The following KIFC3 variants were observed in gnomAD, a reference collection of about 807,000 sequenced individuals.
KIFC3 encodes the protein kinesin-like protein KIFC3.
A neutral mutation model predicts 101.8 loss-of-function variants in KIFC3; 60 were observed. The ratio of observed to expected loss-of-function variants is 0.59; its 90% CI spans 0.48 to 0.73. The LOEUF is 0.73. Ranked by LOEUF, KIFC3 falls within the 30% of genes least tolerant of loss-of-function variation. The probability of loss-of-function intolerance (pLI) is 0.00; values close to 1 mark genes in which losing one functional copy is unlikely to be tolerated. For missense variants in KIFC3, 966 were observed against 1,137.1 expected, an observed-to-expected ratio of 0.85 and a Z score of 2.16; for synonymous variants, 476 against 482.7, an observed-to-expected ratio of 0.99 and a Z score of 0.18.
At chr16:57,795,761 C>T (rs1046540920) in intron 2 of KIFC3, among the ~76,000 whole-genome samples, 1 of 152,140 alleles carries the variant, frequency 6.6e-6, no homozygotes, top group African/African-American at 2.4e-5. Flanking sequence ...TGGGGGCCAG[C>T]CTCACGAGTC....
At chr16:57,780,667 A>ATTTTTTTTT (rs1191334568) in intron 3 of KIFC3, among the ~76,000 whole-genome samples, 5 of 69,954 alleles carry the variant, frequency 7.1e-5, no homozygotes, top group Non-Finnish European at 9.9e-5. Context: ...CTGAAGACAA[A>ATTTTTTTTT]TTTTTTTTTT....
intron 3 of KIFC3, among the ~76,000 whole-genome samples, chr16:57,783,169 T>C (rs2052923263): frequency 6.6e-6 from 1 of 152,210 alleles, no homozygotes; most frequent in Admixed American, 6.5e-5. Context: ...AAAAGTGTTT[T>C]CAAAAACCTC....
chr16:57,789,108 G>T (rs181197212), intron 3 of KIFC3, among the ~76,000 whole-genome samples: 23 of 152,312 alleles, frequency 1.5e-4, no homozygotes, highest in Non-Finnish European at 2.9e-4. Flanking sequence ...ATCAACCTCA[G>T]GGCAACTGCT....
chr16:57,775,431 C>T, intron 3 of KIFC3: 1 of 1,022,636 alleles, frequency 9.8e-7, no homozygotes, highest in Non-Finnish European at 1.2e-6. Context: ...GGGGCTAGGT[C>T]TCGGGCTTGT....
intron 2 of KIFC3, 131 bp from the exon 3 acceptor site, chr16:57,795,272 A>C: frequency 8.9e-7 from 1 of 1,117,390 alleles, no homozygotes; most frequent in East Asian, 3.0e-5. Context: ...TGTGGCCAGG[A>C]GGGGCTCACA....
rs142507852 is a variant in KIFC3 at position 57,816,953 on chromosome 16, C to G, written c.109-18671G>C. 2.4e-3 allele frequency: 812 copies of G among 340,684 alleles called. 3 individuals carry two copies. The highest frequency in any genetic ancestry group is 6.0e-3 in the Middle Eastern group (10 of 1,678). 21.1% of individuals were successfully genotyped at this position (340,684 alleles called of 1,614,324 possible). ...AATCACAGCTAACCCTTCACACTCA[C>G]TACATGCCGGGCACCATGGCATGGA... is the stretch of plus-strand genomic sequence containing the variant. On this transcript the variant is annotated intron_variant, in intron 1 of 2. Transcript: ENST00000563028.
At chr16:57,839,854 G>C (rs1238485415) in intron 1 of KIFC3, among the ~76,000 whole-genome samples, 1 of 151,910 alleles carries the variant, frequency 6.6e-6, no homozygotes, top group Non-Finnish European at 1.5e-5. Flanking sequence ...ACTCATATTT[G>C]TCAATTTGAC....
intron 1 of KIFC3, among the ~76,000 whole-genome samples, chr16:57,844,148 G>A (rs1043679423): frequency 5.3e-5 from 8 of 150,900 alleles, no homozygotes; most frequent in African/African-American, 7.3e-5. Context: ...TAAAGGCAGC[G>A]TAGGCTGGAC....
intron 12 of KIFC3, among the ~76,000 whole-genome samples, chr16:57,762,986 T>C (rs1555599378): frequency 2.0e-5 from 3 of 152,104 alleles, no homozygotes. Context: ...GCTCCCAAGA[T>C]GCCCCCTCAG....
intron 3 of KIFC3, among the ~76,000 whole-genome samples, chr16:57,777,999 A>T: frequency 6.6e-6 from 1 of 152,008 alleles, no homozygotes; most frequent in East Asian, 1.9e-4. Context: ...CTCAAAATAG[A>T]TCAAAGAGGG....
At chr16:57,763,965 G>T (rs1352394675) in intron 12 of KIFC3, among the ~76,000 whole-genome samples, 178 bp downstream of exon 12, 1 of 152,188 alleles carries the variant, frequency 6.6e-6, no homozygotes, top group Non-Finnish European at 1.5e-5. Flanking sequence ...TGGGCAAGGG[G>T]GCCCCCTCTT....
intron 1 of KIFC3, among the ~76,000 whole-genome samples, chr16:57,836,541 G>T (rs2055691878): frequency 6.6e-6 from 1 of 152,146 alleles, no homozygotes; most frequent in African/African-American, 2.4e-5. Context: ...GGAATGAATG[G>T]TAGACTTTCT....
intron 12 of KIFC3, 72 bp from the exon 13 acceptor site, chr16:57,762,342 A>G: frequency 7.2e-7 from 1 of 1,391,518 alleles, no homozygotes; most frequent in Non-Finnish European, 9.4e-7. Context: ...TCTGTCCCCA[A>G]AGCCCCTTGA....
At chr16:57,845,201 C>T (rs1215981218) in intron 1 of KIFC3, among the ~76,000 whole-genome samples, 1 of 152,146 alleles carries the variant, frequency 6.6e-6, no homozygotes, top group Non-Finnish European at 1.5e-5. Flanking sequence ...CCGTGCAAAC[C>T]CTGCAGGTGC....
chr16:57,795,797 C>G lies in KIFC3; in HGVS notation c.173-656G>C, dbSNP rs117904479. Among the ~76,000 whole-genome samples, 827 of 152,222 alleles carry G rather than the reference C, an allele frequency of 5.4e-3. 10 individuals carry two copies. Among genetic ancestry groups the G allele is most frequent in the South Asian group, 0.034 (166 of 4,826 alleles). ...ATGAGGCACACTGCAGAGCCACTAC[C>G]CTGGGGCGTAACAATATCCCGAGTG... is the stretch of plus-strand genomic sequence containing the variant. On this transcript the variant is annotated intron_variant, in intron 2 of 19. Coordinates refer to ENST00000445690, the MANE Select transcript of KIFC3 (RefSeq NM_001130100.2).
intron 1 of KIFC3, among the ~76,000 whole-genome samples, chr16:57,832,454 G>T (rs528609903): frequency 1.1e-4 from 17 of 148,734 alleles, no homozygotes; most frequent in Admixed American, 1.0e-3. Context: ...CTCCCAAGTA[G>T]CTGGGATGTG....
At position 57,798,063 on chromosome 16, in the gene KIFC3, C is replaced by T. The variant is rs112193492; in HGVS notation, c.172+9G>A. Reference sequence around the variant, plus strand: ...GAAATAAAGAGGCATTTTAAAAATGCGGACTCACCAGTTCTCAACCTCCCC... The same window carrying T: ...GAAATAAAGAGGCATTTTAAAAATGTGGACTCACCAGTTCTCAACCTCCCC... On this transcript the variant is annotated intron_variant, in intron 2 of 19. Transcript: ENST00000445690. 6.3e-7 allele frequency: 1 copy of T among 1,590,284 alleles called. No individual in the cohort carries two copies. The highest frequency in any genetic ancestry group is 8.6e-7 in the Non-Finnish European group (1 of 1,168,562).
chr16:57,770,950 A>G (rs897580603), intron 6 of KIFC3, among the ~76,000 whole-genome samples: 2 of 152,238 alleles, frequency 1.3e-5, no homozygotes, highest in African/African-American at 4.8e-5. Context: ...AAGAAAGGCA[A>G]AAAGACGAGG....
At chr16:57,773,661 T>C (rs886850678) in intron 3 of KIFC3, 45 of 151,894 alleles carry the variant, frequency 3.0e-4, no homozygotes, top group African/African-American at 1.1e-3. Flanking sequence ...AAAAATAAAA[T>C]AAAAATAGAG....
Sources: gnomAD v4.1 joint callset for allele counts (sites outside exome capture counted in the v4.1 genomes callset) on GRCh38, gnomAD v4.1.1 for gene constraint, MANE v1.5 for transcripts, NCBI Gene and HGNC (gene_info 2026-07-23, HGNC 2026-07-21) for gene names.